The following CHD7 variants were observed in gnomAD, a reference collection of about 807,000 sequenced individuals.
CHD7 encodes the protein ATP-dependent chromatin remodeler CHD7.
Under a neutral mutation model 307.3 loss-of-function variants are expected in CHD7, and 24 were observed. The observed-to-expected ratio is 0.08, with a 90% CI of 0.06 to 0.11. The LOEUF (loss-of-function observed/expected upper bound fraction) is 0.11. CHD7 is among the 10% of genes least tolerant of loss of function. CHD7 has a pLI of 1.00. For missense variants in CHD7, 3,106 were observed against 3,727.1 expected (o/e 0.83, Z 4.34); for synonymous variants, 1,363 against 1,349.9 (o/e 1.01, Z -0.21).
rs1453511678 is a variant in CHD7, at chr8:60,856,038, G to C, written c.7000G>C (p.Val2334Leu). 6.2e-7 allele frequency: 1 copy of C among 1,611,550 alleles called. No individual in the cohort carries two copies. Among genetic ancestry groups the C allele is most frequent in the Non-Finnish European group, 8.5e-7 (1 of 1,178,834 alleles). The change falls in exon 33 of 38, where the codon GTA becomes CTA. Residue 2334 changes from valine (V) to leucine (L), a missense_variant. Val to Leu is a conservative substitution (Grantham distance 32, BLOSUM62 1). Coordinates refer to ENST00000423902, the MANE Select transcript of CHD7 (RefSeq NM_017780.4). ...CEAVLKGKWP[V>L]NRRQMFDFQG... Reference sequence around the variant, plus strand: ...AGCAGTGTTGAAAGGCAAATGGCCAGTAAATAGGCGCCAGATGTTTGATTT... The same window carrying C: ...AGCAGTGTTGAAAGGCAAATGGCCACTAAATAGGCGCCAGATGTTTGATTT...
At chr8:60,725,075 C>G (rs950177231) in intron 1 of CHD7, among the ~76,000 whole-genome samples, 3 of 152,192 alleles carry the variant, frequency 2.0e-5, no homozygotes, top group Non-Finnish European at 2.9e-5. Flanking sequence ...CATGTACCTC[C>G]TTTATCCTAG....
rs1179790659 is a variant in CHD7, at chr8:60,702,708, G to A, written c.-175+23626G>A. 6.6e-5 allele frequency among the ~76,000 whole-genome samples: 10 copies of A among 152,198 alleles called. No individual in the cohort carries two copies. In the East Asian group the frequency reaches 1.9e-3, roughly 29 times the overall value. ...GGACCAATAGCTTCGTTTTCATAGT[G>A]AATCTTATTATCTTTTGCTGTGTAA... is the stretch of plus-strand genomic sequence containing the variant. On this transcript the variant is annotated intron_variant, in intron 1 of 37. Transcript: ENST00000423902.
chr8:60,800,645 A>C, intron 5 of CHD7, 120 bp downstream of exon 5: 4 of 915,112 alleles, frequency 4.4e-6, no homozygotes, highest in Non-Finnish European at 6.4e-6. Context: ...CATCCACCTA[A>C]TGTTGGATAA....
chr8:60,700,812 G>A (rs1158106397), intron 1 of CHD7, among the ~76,000 whole-genome samples: 1 of 152,222 alleles, frequency 6.6e-6, no homozygotes, highest in Non-Finnish European at 1.5e-5. Context: ...TCTGAAGAGG[G>A]CCCAGTGCCG....
At chr8:60,776,986 T>G (rs762701106) in intron 2 of CHD7, among the ~76,000 whole-genome samples, 2 of 152,234 alleles carry the variant, frequency 1.3e-5, no homozygotes, top group Admixed American at 1.3e-4. Context: ...AGCAATAGTT[T>G]AGTGTTCTAA....
At chr8:60,792,774 G>C (rs185679573) in intron 3 of CHD7, among the ~76,000 whole-genome samples, 1 of 152,144 alleles carries the variant, frequency 6.6e-6, no homozygotes, top group Non-Finnish European at 1.5e-5. Flanking sequence ...AAATTAAACC[G>C]TGTACATCGC....
At chr8:60,812,316 A>G (rs1812849191) in intron 7 of CHD7, among the ~76,000 whole-genome samples, 1 of 152,126 alleles carries the variant, frequency 6.6e-6, no homozygotes, top group Non-Finnish European at 1.5e-5. Flanking sequence ...GTATTGTGTA[A>G]GTCATGGCTC....
rs376148485 is a variant in CHD7, at chr8:60,837,742, T to C, written c.4260T>C (p.Tyr1420=). 4 of 1,611,028 alleles carry C rather than the reference T, an allele frequency of 2.5e-6. No individual in the cohort carries two copies. The highest frequency in any genetic ancestry group is 3.4e-6 in the Non-Finnish European group (4 of 1,178,442). ...KIYRLITRNS[Y]EREMFDKASL... ...ACAGGCTGATTACAAGAAATTCCTATGAAAGGGAAATGTTCGACAAGGCTA... is the reference window on the plus strand; with the variant it reads ...ACAGGCTGATTACAAGAAATTCCTACGAAAGGGAAATGTTCGACAAGGCTA... Residue 1420 remains tyrosine (Y), a synonymous_variant, in exon 18 of 38, where the codon TAT becomes TAC. Transcript: ENST00000423902.
rs750576548 is a variant in CHD7, at chr8:60,852,101, C to T, written c.5748C>T (p.Leu1916=). The change falls in exon 29 of 38, where the codon CTC becomes CTT. Residue 1916 remains leucine, a synonymous_variant. Coordinates refer to ENST00000423902, the MANE Select transcript of CHD7 (RefSeq NM_017780.4). ...CCCTGACTACACGTCTGCGCCGGCT[C>T]ATTACTGCCTATCAGCGCAGCTATA... The part of the protein sequence containing the change: ...TSTLTTRLRR[L]ITAYQRSYKR... The T allele has an allele frequency of 2.5e-6, 4 of 1,614,016 alleles. No homozygotes were observed. The highest frequency in any genetic ancestry group is 2.2e-5 in the East Asian group (1 of 44,884).
chr8:60,788,879 T>C (rs943471849), intron 3 of CHD7, among the ~76,000 whole-genome samples: 2 of 152,222 alleles, frequency 1.3e-5, no homozygotes, highest in African/African-American at 4.8e-5. Context: ...TACATTCTAG[T>C]TTAGCTGTTA....
At chr8:60,816,635 T>G in intron 8 of CHD7, 134 bp downstream of exon 8, 1 of 602,654 alleles carries the variant, frequency 1.7e-6, no homozygotes, top group East Asian at 2.9e-5. Context: ...TGGTAACTGG[T>G]TCTTGCTAAC....
intron 34 of CHD7, among the ~76,000 whole-genome samples, chr8:60,857,947 G>T (rs1411995008): frequency 6.6e-6 from 1 of 152,216 alleles, no homozygotes; most frequent in Non-Finnish European, 1.5e-5. Context: ...AAGCATTCAG[G>T]TGGCTAAGAG....
chr8:60,851,450 G>A (rs1164429090), intron 28 of CHD7, 131 bp downstream of exon 28: 1 of 660,158 alleles, frequency 1.5e-6, no homozygotes, highest in African/African-American at 1.8e-5. Flanking sequence ...GACCTGTTTT[G>A]TGAATCATTT....
chr8:60,842,048 T>C lies in CHD7; in HGVS notation c.4846T>C (p.Tyr1616His), dbSNP rs1249078741. 1 of 1,611,746 alleles carries C rather than the reference T, an allele frequency of 6.2e-7. No individual in the cohort carries two copies. The highest frequency in any genetic ancestry group is 1.3e-5 in the African/African-American group (1 of 74,906). Residue 1616 changes from tyrosine to histidine, a missense_variant, in exon 21 of 38, where the codon TAT (tyrosine) becomes CAT (histidine). Physicochemically the swap from Tyr to His is moderately conservative, Grantham distance 83 (BLOSUM62 2). Coordinates refer to ENST00000423902, the MANE Select transcript of CHD7 (RefSeq NM_017780.4). ...CFRVEKNLLV[Y>H]GWGRWTDILS... ...CAGGGTGGAGAAGAATCTGCTTGTC[T>C]ATGGGTAAGTAGGACTCACTACGTA...
chr8:60,743,954 A>G (rs1000784023), intron 2 of CHD7, among the ~76,000 whole-genome samples: 1 of 152,236 alleles, frequency 6.6e-6, no homozygotes, highest in Non-Finnish European at 1.5e-5. Flanking sequence ...TTAGAGCTAT[A>G]AAGCATAGTG....
At chr8:60,784,254 GT>G (rs1811390008) in intron 3 of CHD7, among the ~76,000 whole-genome samples, 1 of 152,216 alleles carries the variant, frequency 6.6e-6, no homozygotes, top group Non-Finnish European at 1.5e-5. Context: ...TGGCAATTTT[GT>G]TTTGCAAAAT....
intron 1 of CHD7, among the ~76,000 whole-genome samples, chr8:60,708,910 T>C (rs1434683374): frequency 6.6e-6 from 1 of 152,104 alleles, no homozygotes; most frequent in Non-Finnish European, 1.5e-5. Context: ...AACACACAAG[T>C]GAGGTGCAGA....
chr8:60,682,845 A>C (rs540449937), intron 1 of CHD7, among the ~76,000 whole-genome samples: 3 of 152,356 alleles, frequency 2.0e-5, no homozygotes, highest in Admixed American at 6.5e-5. Context: ...TGCAAGAATA[A>C]AAATGTTTAG....
At chr8:60,713,755 G>A (rs536210413) in intron 1 of CHD7, among the ~76,000 whole-genome samples, 54 of 152,246 alleles carry the variant, frequency 3.5e-4, no homozygotes, top group African/African-American at 1.2e-3. Flanking sequence ...TCCAGGAGAA[G>A]CCAGGGAAAA....
Sources: allele counts gnomAD v4.1 joint callset (sites outside exome capture counted in the v4.1 genomes callset), GRCh38; gene constraint gnomAD v4.1.1; transcripts MANE v1.5; gene names NCBI Gene and HGNC (gene_info 2026-07-23, HGNC 2026-07-21).